The following MERTK variants were observed in gnomAD, a reference collection of about 807,000 sequenced individuals.
MERTK encodes tyrosine-protein kinase Mer.
MERTK carries 69 observed loss-of-function variants against 99.3 expected under a neutral mutation model. The ratio of observed to expected loss-of-function variants is 0.70; its 90% CI spans 0.57 to 0.85. The LOEUF (loss-of-function observed/expected upper bound fraction) is 0.85, where lower values mean the gene tolerates loss of function less well. Among genes scored for constraint, MERTK ranks in the 40% least tolerant of loss-of-function variants. MERTK has a pLI of 0.00. For missense variants in MERTK, 1,125 were observed against 1,249.4 expected, an observed-to-expected ratio of 0.90 and a Z score of 1.50; for synonymous variants, 426 against 467.6, an observed-to-expected ratio of 0.91 and a Z score of 1.15.
At position 112,013,430 on chromosome 2, in the gene MERTK, C is replaced by T. The variant is rs191885034; in HGVS notation, c.2079+3364C>T. 7.4e-4 allele frequency: 114 copies of T among 154,480 alleles called. 1 individual carries two copies. The highest frequency in any genetic ancestry group is 2.3e-3 in the African/African-American group (97 of 41,632). The allele number at this position is 154,480 out of a possible 1,614,324, so 9.6% of individuals were successfully genotyped here. ...TAGTACAATTGTTGGCGATTTCAGA[C>T]ATTCATCTCTCATTGTTCACTCAAT... On this transcript the variant is annotated intron_variant, in intron 15 of 18. Coordinates refer to ENST00000295408, the MANE Select transcript of MERTK (RefSeq NM_006343.3).
chr2:112,022,664 G>A (rs921515786), intron 18 of MERTK: 2 of 689,132 alleles, frequency 2.9e-6, no homozygotes, highest in African/African-American at 1.7e-5. Context: ...CAAGGCAATG[G>A]CACCTGTCCT....
In MERTK at chr2:111,945,050, C is replaced by G. The variant is rs747955805; in HGVS notation, c.573C>G (p.Ile191Met). 6.2e-7 allele frequency: 1 copy of G among 1,612,464 alleles called. No homozygotes were observed. Among genetic ancestry groups the G allele is most frequent in the East Asian group, 2.2e-5 (1 of 44,836 alleles). The change falls in exon 3 of 19, where the codon ATC becomes ATG. Residue 191 changes from isoleucine to methionine, a missense_variant. Transcript: ENST00000295408. The part of the protein sequence containing the change: ...NEEIVSDPIY[I>M]EVQGLPHFTK... Reference sequence around the variant, plus strand: ...AGATCGTGTCTGATCCCATCTACATCGAAGTACAAGGTAAGTCCACAGACC... The same window carrying G: ...AGATCGTGTCTGATCCCATCTACATGGAAGTACAAGGTAAGTCCACAGACC...
intron 8 of MERTK, among the ~76,000 whole-genome samples, chr2:111,986,518 G>A (rs1047539397): frequency 6.6e-6 from 1 of 152,176 alleles, no homozygotes; most frequent in Non-Finnish European, 1.5e-5. Flanking sequence ...TTCTACTTCT[G>A]GCTTGGGTGA....
chr2:111,958,112 G>A (rs1010266283), intron 4 of MERTK, among the ~76,000 whole-genome samples: 1 of 152,116 alleles, frequency 6.6e-6, no homozygotes, highest in African/African-American at 2.4e-5. Context: ...GCTCTAAGAG[G>A]GACGACCTAC....
At chr2:112,026,631 G>A (rs557460340) in intron 18 of MERTK, among the ~76,000 whole-genome samples, 2 of 152,344 alleles carry the variant, frequency 1.3e-5, no homozygotes, top group East Asian at 3.9e-4. Context: ...TTGTGAGACA[G>A]GGAAATGCGC....
chr2:111,936,582 T>C (rs1035914494), intron 2 of MERTK, among the ~76,000 whole-genome samples: 12 of 152,194 alleles, frequency 7.9e-5, no homozygotes. Flanking sequence ...ATGTCTGTTA[T>C]TGTTGATGGA....
chr2:111,952,898 T>C (rs1685083198), intron 4 of MERTK, among the ~76,000 whole-genome samples: 1 of 152,226 alleles, frequency 6.6e-6, no homozygotes, highest in South Asian at 2.1e-4. Flanking sequence ...CACACAGTAT[T>C]CAGTCTTGAC....
At chr2:111,916,683 A>G (rs1684357116) in intron 1 of MERTK, among the ~76,000 whole-genome samples, 2 of 151,958 alleles carry the variant, frequency 1.3e-5, no homozygotes, top group Non-Finnish European at 2.9e-5. Context: ...TCTTTAAAAG[A>G]TTTTTCAGAA....
At chr2:111,911,953 T>C (rs902342911) in intron 1 of MERTK, among the ~76,000 whole-genome samples, 1 of 151,840 alleles carries the variant, frequency 6.6e-6, no homozygotes, top group Non-Finnish European at 1.5e-5. Flanking sequence ...CCTGCCAAAG[T>C]GTGGGGATTA....
In MERTK at chr2:111,929,256, A is replaced by T; in HGVS notation, c.198A>T (p.Ser66=). 1.2e-6 allele frequency: 2 copies of T among 1,614,128 alleles called. No individual in the cohort carries two copies. Among genetic ancestry groups the T allele is most frequent in the South Asian group, 1.1e-5 (1 of 91,076 alleles). The part of the protein sequence containing the change: ...ASGYQPALMF[S]PTQPGRPHTG... The stretch of plus-strand genomic sequence containing the variant: ...GGTACCAGCCTGCCTTGATGTTTTC[A>T]CCAACCCAGCCTGGAAGACCACATA... Residue 66 remains serine (S), a synonymous_variant, in exon 2 of 19, where the codon TCA becomes TCT. Transcript: ENST00000295408.
At chr2:111,995,947 C>CCAAAA (rs200729422) in intron 9 of MERTK, among the ~76,000 whole-genome samples, 3,221 of 152,082 alleles carry the variant, frequency 0.021, 57 homozygotes, top group Middle Eastern at 0.068. Flanking sequence ...ACCCCCATCT[C>CCAAAA]CAAAACAAAA....
chr2:112,017,664 G>A (rs1367266241), intron 15 of MERTK, among the ~76,000 whole-genome samples: 8 of 151,832 alleles, frequency 5.3e-5, no homozygotes, highest in Admixed American at 5.3e-4. Context: ...TGCCATCATG[G>A]ATATCCTCAA....
chr2:111,953,324 G>T (rs1030303989), intron 4 of MERTK, among the ~76,000 whole-genome samples: 1 of 152,140 alleles, frequency 6.6e-6, no homozygotes, highest in Non-Finnish European at 1.5e-5. Context: ...AAATCAATAC[G>T]CAGTATACCG....
chr2:111,945,197 A>G, intron 3 of MERTK, 137 bp downstream of exon 3: 3 of 699,396 alleles, frequency 4.3e-6, no homozygotes, highest in Non-Finnish European at 7.7e-6. Flanking sequence ...ATCTATCAGC[A>G]CTGAAATTTT....
At chr2:111,940,213 A>G (rs1337144019) in intron 2 of MERTK, 1 of 230,928 alleles carries the variant, frequency 4.3e-6, no homozygotes, top group Non-Finnish European at 8.9e-6. Flanking sequence ...AGAATGTGAT[A>G]TATTGATTTC....
At chr2:111,934,761 C>T (rs1046677979) in intron 2 of MERTK, among the ~76,000 whole-genome samples, 17 of 152,038 alleles carry the variant, frequency 1.1e-4, no homozygotes, top group African/African-American at 2.7e-4. Context: ...GTTGCCATTG[C>T]GTTTGGTGTT....
chr2:111,936,114 C>T (rs1477395513), intron 2 of MERTK, among the ~76,000 whole-genome samples: 1 of 152,114 alleles, frequency 6.6e-6, no homozygotes, highest in South Asian at 2.1e-4. Context: ...GACAGAGTTT[C>T]ATGGTGTTAG....
intron 4 of MERTK, 140 bp from the exon 5 acceptor site, chr2:111,965,051 C>T: frequency 1.3e-6 from 1 of 798,734 alleles, no homozygotes. Flanking sequence ...CCATAGCTAG[C>T]ACACCTTTTA....
chr2:111,974,915 ATC>A (rs1676212769), intron 6 of MERTK, among the ~76,000 whole-genome samples: 1 of 152,156 alleles, frequency 6.6e-6, no homozygotes, highest in African/African-American at 2.4e-5. Context: ...CACATATTAT[ATC>A]TGTTTCCTCT....
Sources: gnomAD v4.1 joint callset for allele counts (sites outside exome capture counted in the v4.1 genomes callset) on GRCh38, gnomAD v4.1.1 for gene constraint, MANE v1.5 for transcripts, NCBI Gene and HGNC (gene_info 2026-07-23, HGNC 2026-07-21) for gene names.